Variants in PTPRG observed in about 807,000 individuals in gnomAD.
The protein encoded by PTPRG is receptor-type tyrosine-protein phosphatase gamma.
A neutral mutation model predicts 165.3 loss-of-function variants in PTPRG; 102 were observed. The ratio of observed to expected loss-of-function variants is 0.62; its 90% CI spans 0.53 to 0.73. The LOEUF is 0.73. Among genes scored for constraint, PTPRG ranks in the 30% least tolerant of loss-of-function variants. PTPRG has a pLI of 0.00. For missense variants in PTPRG, 1,866 were observed against 1,861.4 expected (o/e 1.00, Z -0.05); for synonymous variants, 675 against 669.5 (o/e 1.01, Z -0.13).
chr3:62,003,229 A>T, intron 3 of PTPRG, 120 bp from the exon 4 acceptor site: 1 of 1,149,580 alleles, frequency 8.7e-7, no homozygotes. Flanking sequence ...ATTTTTTCAT[A>T]GGTACATGAG....
intron 5 of PTPRG, 62 bp downstream of exon 5, chr3:62,078,320 A>G (rs1333100054): frequency 8.3e-7 from 1 of 1,200,468 alleles, no homozygotes; most frequent in Non-Finnish European, 1.2e-6. Flanking sequence ...TAATTTGCCG[A>G]ATTGTTCCAT....
At chr3:61,575,595 G>A (rs1261257123) in intron 1 of PTPRG, among the ~76,000 whole-genome samples, 3 of 140,294 alleles carry the variant, frequency 2.1e-5, no homozygotes, top group Non-Finnish European at 4.6e-5. Flanking sequence ...TAGGCACACA[G>A]AACTTTTTTT....
intron 1 of PTPRG, among the ~76,000 whole-genome samples, chr3:61,708,586 C>G (rs907734819): frequency 3.3e-5 from 5 of 150,890 alleles, no homozygotes; most frequent in African/African-American, 1.2e-4. Context: ...TCCTGAGTAG[C>G]TGGGACTACA....
rs577176378 is a variant in PTPRG at position 61,943,871 on chromosome 3, G to C, written c.191-45754G>C. 1.8e-3 allele frequency among the ~76,000 whole-genome samples: 272 copies of C among 152,306 alleles called. 2 individuals carry two copies. The highest frequency in any genetic ancestry group is 6.3e-3 in the African/African-American group (260 of 41,572). On this transcript the variant is annotated intron_variant, in intron 2 of 29. Transcript: ENST00000474889. ...GGGATAGAGGTCATCACCCTCCCTA[G>C]TCTGAAGAATAGAGAAAACAGAGAA...
At chr3:61,901,201 C>T (rs1490859150) in intron 2 of PTPRG, among the ~76,000 whole-genome samples, 2 of 152,154 alleles carry the variant, frequency 1.3e-5, no homozygotes, top group Admixed American at 1.3e-4. Context: ...GTTGGGTTTT[C>T]TCTTAAGTTA....
intron 1 of PTPRG, among the ~76,000 whole-genome samples, chr3:61,726,922 C>T (rs2032285317): frequency 6.6e-6 from 1 of 152,038 alleles, no homozygotes; most frequent in South Asian, 2.1e-4. Flanking sequence ...TGGCGGGCGT[C>T]TGTAGGCCCA....
intron 1 of PTPRG, among the ~76,000 whole-genome samples, chr3:61,639,177 T>C (rs966570486): frequency 6.6e-6 from 1 of 152,168 alleles, no homozygotes; most frequent in African/African-American, 2.4e-5. Flanking sequence ...CCTTTCCCTA[T>C]TGTTTATTTT....
At chr3:61,826,171 G>A (rs1218351105) in intron 2 of PTPRG, among the ~76,000 whole-genome samples, 1 of 152,182 alleles carries the variant, frequency 6.6e-6, no homozygotes, top group Non-Finnish European at 1.5e-5. Flanking sequence ...GCACGGAATA[G>A]TAGGGAGAAG....
At position 61,799,852 on chromosome 3, in the gene PTPRG, C is replaced by A. The variant is rs796866975; in HGVS notation, c.190+50870C>A. Among the ~76,000 whole-genome samples, 12 of 152,226 alleles carry A rather than the reference C, an allele frequency of 7.9e-5. 1 individual carries two copies. Among genetic ancestry groups the A allele is most frequent in the African/African-American group, 2.6e-4 (11 of 41,540 alleles). On this transcript the variant is annotated intron_variant, in intron 2 of 29. Transcript: ENST00000474889. ...GAGAGTGTGGACATAACATTTTTCC[C>A]CAGAACAGTAAGTGTATTTATTTTA...
chr3:62,130,845 C>G lies in PTPRG; in HGVS notation c.616-1757C>G, dbSNP rs1703487328. Among the ~76,000 whole-genome samples the G allele has an allele frequency of 2.6e-5, 4 of 152,164 alleles. No individual in the cohort carries two copies. In the South Asian group the frequency reaches 8.3e-4, roughly 32 times the overall value. ...GAATGTTTCACGCTTCAGTCCCTGG[C>G]TTGAGCTTCTTCTCAGGCAATTTGT... is the stretch of plus-strand genomic sequence containing the variant. On this transcript the variant is annotated intron_variant, in intron 5 of 29. Coordinates refer to ENST00000474889, the MANE Select transcript of PTPRG (RefSeq NM_002841.4).
At chr3:61,793,092 G>T (rs1003821108) in intron 2 of PTPRG, among the ~76,000 whole-genome samples, 1 of 152,158 alleles carries the variant, frequency 6.6e-6, no homozygotes, top group East Asian at 1.9e-4. Flanking sequence ...GGTCTCCAAG[G>T]TTCAGTGAAT....
intron 2 of PTPRG, among the ~76,000 whole-genome samples, chr3:61,939,072 G>A (rs976610817): frequency 2.0e-5 from 3 of 152,184 alleles, no homozygotes; most frequent in African/African-American, 7.2e-5. Flanking sequence ...TGGGAAAACC[G>A]GAACTGGGTA....
At position 62,296,427 on chromosome 3, in the gene PTPRG, C is replaced by A. The variant is rs955848728; in HGVS notation, c.*3120C>A. ...TGAATTTTTCTTAAATGCATATATA[C>A]TGTATTTAAAATTAAAATATAGATA... On this transcript the variant is annotated 3_prime_UTR_variant, in exon 30 of 30. Coordinates refer to ENST00000474889, the MANE Select transcript of PTPRG (RefSeq NM_002841.4). The A allele has an allele frequency of 1.5e-4, 23 of 151,510 alleles. No homozygotes were observed. The highest frequency in any genetic ancestry group is 4.6e-4 in the African/African-American group (19 of 41,230). 9.4% of individuals were successfully genotyped at this position (151,510 alleles called of 1,614,324 possible).
At position 62,267,821 on chromosome 3, in the gene PTPRG, TAAG is replaced by T. The variant is rs1559732626; in HGVS notation, c.2874+4_2874+6del. Reference sequence around the variant, plus strand: ...ACGAACCTTGTGGAAAAAGGAAGAGTAAGAGCCTTTTGACTCACTATCTTAATA... The same window carrying T: ...ACGAACCTTGTGGAAAAAGGAAGAGTAGCCTTTTGACTCACTATCTTAATA... On this transcript the variant is annotated splice_donor_5th_base_variant and intron_variant, in intron 19 of 29. Transcript: ENST00000474889. 1 of 1,611,772 alleles carries T rather than the reference TAAG, an allele frequency of 6.2e-7. No individual in the cohort carries two copies. Among genetic ancestry groups the T allele is most frequent in the Non-Finnish European group, 8.5e-7 (1 of 1,178,980 alleles).
intron 1 of PTPRG, among the ~76,000 whole-genome samples, chr3:61,621,051 ATGTGTGTGTGTGTGTGTGTGTGTG>A (rs1173192341): frequency 1.7e-4 from 20 of 117,964 alleles, no homozygotes; most frequent in East Asian, 5.6e-4. Flanking sequence ...ATATATATAT[ATGTGTGTGTGTGTGTGTGTGTGTG>A]TGTATATTTA....
intron 12 of PTPRG, among the ~76,000 whole-genome samples, chr3:62,206,912 CAAAAAAAAAAAA>C (rs556974355): frequency 3.8e-4 from 14 of 37,318 alleles, no homozygotes; most frequent in Admixed American, 7.4e-4. Flanking sequence ...GACTCTGTCT[CAAAAAAAAAAAA>C]AAAAAAAAAA....
intron 4 of PTPRG, among the ~76,000 whole-genome samples, chr3:62,046,235 G>A (rs937849978): frequency 6.7e-6 from 1 of 150,196 alleles, no homozygotes; most frequent in Non-Finnish European, 1.5e-5. Context: ...TGATTTGATT[G>A]GTGGTATCAG....
intron 17 of PTPRG, among the ~76,000 whole-genome samples, 165 bp from the exon 18 acceptor site, chr3:62,267,245 A>AT (rs1251134345): frequency 6.6e-6 from 1 of 152,056 alleles, no homozygotes; most frequent in African/African-American, 2.4e-5. Context: ...GTGGCTCTGT[A>AT]TTTTGGGATG....
intron 28 of PTPRG, among the ~76,000 whole-genome samples, chr3:62,283,188 A>G (rs1430414167): frequency 6.6e-6 from 1 of 152,154 alleles, no homozygotes; most frequent in Non-Finnish European, 1.5e-5. Flanking sequence ...TAAATTAATA[A>G]CTGTTTACCT....
Sources: gnomAD v4.1 joint callset for allele counts (sites outside exome capture counted in the v4.1 genomes callset) on GRCh38, gnomAD v4.1.1 for gene constraint, MANE v1.5 for transcripts, NCBI Gene and HGNC (gene_info 2026-07-23, HGNC 2026-07-21) for gene names.